PHTF1: variants seen among roughly 807,000 people sequenced by gnomAD.
PHTF1 encodes the protein putative homeodomain transcription factor 1.
Under a neutral mutation model 102.4 loss-of-function variants are expected in PHTF1, and 88 were observed. The observed-to-expected ratio is 0.86, with a 90% CI of 0.72 to 1.03. The LOEUF (loss-of-function observed/expected upper bound fraction) is 1.03. PHTF1 is among the 50% of genes least tolerant of loss of function. The pLI is 0.00. For missense variants in PHTF1, 814 were observed against 909.5 expected (o/e 0.89, Z 1.35); for synonymous variants, 289 against 305.2 (o/e 0.95, Z 0.55).
At chr1:113,738,343 A>C in intron 4 of PHTF1, 75 bp from the exon 5 acceptor site, 1 of 1,129,304 alleles carries the variant, frequency 8.9e-7, no homozygotes, top group Non-Finnish European at 1.3e-6. Flanking sequence ...GCACTACATT[A>C]AAAATAGGTG....
Position 113,710,267 on chromosome 1 carries a change from T to C in PHTF1, c.1256A>G (p.Asp419Gly). 6.2e-7 allele frequency: 1 copy of C among 1,612,676 alleles called. No individual in the cohort carries two copies. Among genetic ancestry groups the C allele is most frequent in the Non-Finnish European group, 8.5e-7 (1 of 1,179,456 alleles). Residue 419 changes from aspartate (D) to glycine (G), a missense_variant, in exon 11 of 19, where the codon GAT (aspartate) becomes GGT (glycine). Coordinates refer to ENST00000369604, the MANE Select transcript of PHTF1 (RefSeq NM_001323043.2). ...HSGTKRDPKE[D>G]VFQQNHLFWL... ...GTCTGCACAGACCTGCTGAAAAACATCCTCTTTGGGGTCACGTTTGGTCCC... is the reference window on the plus strand; with the variant it reads ...GTCTGCACAGACCTGCTGAAAAACACCCTCTTTGGGGTCACGTTTGGTCCC...
intron 17 of PHTF1, 185 bp downstream of exon 17, chr1:113,699,519 G>A: frequency 1.5e-6 from 1 of 656,848 alleles, no homozygotes; most frequent in African/African-American, 1.8e-5. Flanking sequence ...TTGCCTCCAG[G>A]AGCTCTGTGA....
At chr1:113,754,142 G>T (rs967916101) in intron 3 of PHTF1, among the ~76,000 whole-genome samples, 2 of 152,148 alleles carry the variant, frequency 1.3e-5, no homozygotes, top group African/African-American at 2.4e-5. Flanking sequence ...TGGGCAGAGC[G>T]TCTCATGCCT....
intron 5 of PHTF1, among the ~76,000 whole-genome samples, chr1:113,728,982 A>G (rs181199158): frequency 9.2e-4 from 140 of 152,356 alleles, no homozygotes; most frequent in Non-Finnish European, 1.7e-3. Flanking sequence ...CATTTGTTGT[A>G]GCACTGTTCA....
In PHTF1 at chr1:113,699,769, G is replaced by A. The variant is rs1221404318; in HGVS notation, c.2077C>T (p.Pro693Ser). ...INLYLKMEKK[P>S]NKKEQLTLVN... ...AGAGTAAGCTGTTCTTTCTTATTTG[G>A]CTTTTTTTCCATCTTAAGATATAAA... The change falls in exon 17 of 19, where the codon CCA (proline) becomes TCA (serine). Residue 693 changes from proline (P) to serine (S), a missense_variant. Pro to Ser is a moderately conservative substitution (Grantham distance 74). Coordinates refer to ENST00000369604, the MANE Select transcript of PHTF1 (RefSeq NM_001323043.2). 5.0e-6 allele frequency: 7 copies of A among 1,405,148 alleles called. No homozygotes were observed. Among genetic ancestry groups the A allele is most frequent in the African/African-American group, 1.4e-5 (1 of 70,312 alleles). The allele number at this position is 1,405,148 out of a possible 1,614,324, so 87.0% of individuals were successfully genotyped here.
intron 3 of PHTF1, among the ~76,000 whole-genome samples, chr1:113,753,612 G>A (rs923621706): frequency 6.6e-6 from 1 of 151,820 alleles, no homozygotes; most frequent in African/African-American, 2.4e-5. Flanking sequence ...ATTTTTAGCA[G>A]AGAAGGGGTT....
intron 10 of PHTF1, among the ~76,000 whole-genome samples, chr1:113,710,758 A>G (rs1431858294): frequency 6.7e-6 from 1 of 149,694 alleles, no homozygotes; most frequent in Non-Finnish European, 1.5e-5. Context: ...CCTCCTGAGT[A>G]GCTGGCACTA....
At chr1:113,724,732 A>G (rs1344362766) in intron 7 of PHTF1, 27 bp downstream of exon 7, 1 of 1,573,254 alleles carries the variant, frequency 6.4e-7, no homozygotes, top group East Asian at 2.2e-5. Context: ...CTACGTGAAT[A>G]CAAAATCAAG....
intron 7 of PHTF1, among the ~76,000 whole-genome samples, chr1:113,719,905 T>C (rs1488226564): frequency 6.6e-6 from 1 of 152,180 alleles, no homozygotes; most frequent in Non-Finnish European, 1.5e-5. Flanking sequence ...GGCTTCAGAA[T>C]CACAGCAGGA....
Position 113,738,253 on chromosome 1 carries a change from T to C in PHTF1, c.188A>G (p.Lys63Arg). The C allele has an allele frequency of 1.2e-6, 2 of 1,613,730 alleles. No individual in the cohort carries two copies. Among genetic ancestry groups the C allele is most frequent in the South Asian group, 1.1e-5 (1 of 91,014 alleles). The change falls in exon 5 of 19, where the codon AAA becomes AGA. Residue 63 changes from lysine to arginine, a missense_variant. Lys to Arg is a conservative substitution (Grantham distance 26). Transcript: ENST00000369604. Reference protein sequence around the residue: ...VDLIRGSTFAKAKPEIPWTSL... With the variant: ...VDLIRGSTFARAKPEIPWTSL... ...TGTCCATGGAATTTCAGGTTTTGCT[T>C]TGGCAAATGTTGACCCTTTAAACAT...
intron 2 of PHTF1, among the ~76,000 whole-genome samples, chr1:113,757,979 A>C (rs1490296881): frequency 6.6e-6 from 1 of 152,208 alleles, no homozygotes; most frequent in African/African-American, 2.4e-5. Context: ...AAAATATTTC[A>C]AATTAATATT....
At chr1:113,724,639 T>G (rs886408722) in intron 7 of PHTF1, 120 bp downstream of exon 7, 1 of 631,212 alleles carries the variant, frequency 1.6e-6, no homozygotes, top group Non-Finnish European at 2.5e-6. Context: ...AAGCAAGCCC[T>G]CTGATAACCC....
chr1:113,743,513 A>G (rs929937871), intron 3 of PHTF1, among the ~76,000 whole-genome samples: 5 of 152,218 alleles, frequency 3.3e-5, no homozygotes, highest in African/African-American at 1.2e-4. Context: ...TAAACAATTC[A>G]AAGTATAGTA....
chr1:113,699,882 A>C, intron 16 of PHTF1, 83 bp from the exon 17 acceptor site: 4 of 708,546 alleles, frequency 5.6e-6, no homozygotes, highest in East Asian at 2.8e-5. Context: ...TTCAAAGGTC[A>C]TGTTTTCAAG....
chr1:113,731,121 C>T (rs1024857457), intron 5 of PHTF1, among the ~76,000 whole-genome samples: 3 of 152,008 alleles, frequency 2.0e-5, no homozygotes, highest in Non-Finnish European at 4.4e-5. Flanking sequence ...ATACTTAATG[C>T]CACTGAACTC....
intron 3 of PHTF1, among the ~76,000 whole-genome samples, chr1:113,750,204 C>T (rs1657844125): frequency 6.6e-6 from 1 of 151,928 alleles, no homozygotes. Context: ...CAGGCTGGTC[C>T]CAAACTCCCG....
At chr1:113,722,919 CAAATAAATAAATAAAT>C (rs34016504) in intron 7 of PHTF1, among the ~76,000 whole-genome samples, 203 of 134,784 alleles carry the variant, frequency 1.5e-3, no homozygotes, top group African/African-American at 4.8e-3. Context: ...GACTCCATCT[CAAATAAATAAATAAAT>C]AAATAAATAA....
chr1:113,718,335 G>T (rs1652393361), intron 7 of PHTF1, among the ~76,000 whole-genome samples: 1 of 152,174 alleles, frequency 6.6e-6, no homozygotes, highest in Non-Finnish European at 1.5e-5. Context: ...TTATGGCTTT[G>T]CAGGGTAAAG....
chr1:113,747,716 G>A (rs1033640052), intron 3 of PHTF1, among the ~76,000 whole-genome samples: 6 of 152,178 alleles, frequency 3.9e-5, no homozygotes, highest in Non-Finnish European at 8.8e-5. Flanking sequence ...TTAATAATTA[G>A]GCTGGGCATA....
Sources: gnomAD v4.1 joint callset for allele counts (sites outside exome capture counted in the v4.1 genomes callset) on GRCh38, gnomAD v4.1.1 for gene constraint, MANE v1.5 for transcripts, NCBI Gene and HGNC (gene_info 2026-07-23, HGNC 2026-07-21) for gene names.